The following GBP1 variants were observed in gnomAD, a reference collection of about 807,000 sequenced individuals.
The protein encoded by GBP1 is guanylate binding protein 1, also known as guanylate-binding protein 1.
GBP1 carries 64 observed loss-of-function variants against 69.5 expected under a neutral mutation model. The ratio of observed to expected loss-of-function variants is 0.92; its 90% confidence interval spans 0.75 to 1.13. The LOEUF is 1.13. GBP1 is among the 50% of genes most tolerant of loss of function. The pLI is 0.00. For missense variants in GBP1, 630 were observed against 704.1 expected, an observed-to-expected ratio of 0.89 and a Z score of 1.19; for synonymous variants, 250 against 261.2, an observed-to-expected ratio of 0.96 and a Z score of 0.41.
At chr1:89,062,347 T>C (rs1226887295) in intron 2 of GBP1, among the ~76,000 whole-genome samples, 3 of 152,182 alleles carry the variant, frequency 2.0e-5, no homozygotes, top group Non-Finnish European at 4.4e-5. Flanking sequence ...TTTTGACACA[T>C]GCTAACACAC....
chr1:89,062,857 T>A, intron 2 of GBP1, 188 bp downstream of exon 2: 1 of 657,162 alleles, frequency 1.5e-6, no homozygotes, highest in Non-Finnish European at 2.5e-6. Context: ...AACTAAGGTA[T>A]CATGGGAATA....
At chr1:89,062,833 G>A (rs1680233729) in intron 2 of GBP1, 2 of 565,448 alleles carry the variant, frequency 3.5e-6, no homozygotes, top group Admixed American at 3.1e-5. Context: ...CATAATTTGT[G>A]CTTTTGAAAT....
At position 89,056,953 on chromosome 1, in the gene GBP1, C is replaced by A. The variant is rs781264867; in HGVS notation, c.1056G>T (p.Glu352Asp). The A allele has an allele frequency of 3.7e-6, 6 of 1,614,086 alleles. No homozygotes were observed. In the African/African-American group the frequency reaches 6.7e-5, roughly 18 times the overall value. Residue 352 changes from glutamate to aspartate, a missense_variant, in exon 7 of 11, where the codon GAG (glutamate) becomes GAT (aspartate). Physicochemically the swap from Glu to Asp is conservative, Grantham distance 45. Coordinates refer to ENST00000370473, the MANE Select transcript of GBP1 (RefSeq NM_002053.3). ...CACTGTCCCTGTGCAGGTCCAGCAG[C>A]TCCTGGAGGGTTTCTGTGGGCAGCT... The part of the protein sequence containing the change: ...KVQLPTETLQ[E>D]LLDLHRDSER...
rs572329624 is a variant in GBP1, at chr1:89,052,657, T to C, written c.*698A>G. ...TTGTGTATTTGGCATTATGTGAATTTGTTTAATCCAGTGTCAATTGTCTAA... is the reference window on the plus strand; with the variant it reads ...TTGTGTATTTGGCATTATGTGAATTCGTTTAATCCAGTGTCAATTGTCTAA... On this transcript the variant is annotated 3_prime_UTR_variant, in exon 11 of 11. Coordinates refer to ENST00000370473, the MANE Select transcript of GBP1 (RefSeq NM_002053.3). The C allele has an allele frequency of 5.3e-5, 8 of 152,364 alleles. No homozygotes were observed. In the South Asian group the frequency reaches 1.4e-3, roughly 28 times the overall value. The allele number at this position is 152,364 out of a possible 1,614,324, so 9.4% of individuals were successfully genotyped here. A position where few individuals can be genotyped will look rare whatever the true frequency, so the allele number is the denominator to read the frequency against.
chr1:89,060,712 T>G (rs372963624), intron 2 of GBP1, among the ~76,000 whole-genome samples: 1 of 152,180 alleles, frequency 6.6e-6, no homozygotes, highest in Non-Finnish European at 1.5e-5. Context: ...TCCAGAGTAA[T>G]TAGACAAGAG....
chr1:89,057,733 C>T (rs936594505), intron 6 of GBP1, among the ~76,000 whole-genome samples: 1 of 114,912 alleles, frequency 8.7e-6, no homozygotes, highest in South Asian at 3.0e-4. Context: ...TACATAGACA[C>T]ACTTGTCTAG....
At chr1:89,054,337 T>A (rs780858757) in intron 10 of GBP1, among the ~76,000 whole-genome samples, 10 of 152,192 alleles carry the variant, frequency 6.6e-5, no homozygotes, top group Non-Finnish European at 2.9e-5. Flanking sequence ...CCTGACCTCG[T>A]GATCCGCCCG....
chr1:89,058,027 T>A lies in GBP1; in HGVS notation c.839A>T (p.Lys280Ile), dbSNP rs375798125. ...GACCTGGATGCCTCCTGAAAGAGTT[T>A]TAGTTTTGGAATTACTAAAGATGTA... ...CSYIFSNSKT[K>I]TLSGGIQVNG... is the part of the protein sequence containing the mutation. The change falls in exon 6 of 11, where the codon AAA (lysine) becomes ATA (isoleucine). Residue 280 changes from lysine to isoleucine, a missense_variant. Physicochemically the swap from Lys to Ile is moderately radical, Grantham distance 102. Transcript: ENST00000370473. The A allele has an allele frequency of 7.4e-6, 12 of 1,613,720 alleles. No individual in the cohort carries two copies. In the African/African-American group the frequency reaches 1.5e-4, roughly 20 times the overall value.
chr1:89,054,833 A>C lies in GBP1; in HGVS notation c.1514T>G (p.Met505Arg). The C allele has an allele frequency of 6.2e-7, 1 of 1,614,080 alleles. No homozygotes were observed. Among genetic ancestry groups the C allele is most frequent in the Non-Finnish European group, 8.5e-7 (1 of 1,180,018 alleles). Reference protein sequence around the residue: ...KAESAQASAKMLQEMQRKNEQ... With the variant: ...KAESAQASAKRLQEMQRKNEQ... ...ATTCTTTCTTTGCATTTCCTGCAACATTTTTGCTGAAGCCTGTGCAGACTC... is the reference window on the plus strand; with the variant it reads ...ATTCTTTCTTTGCATTTCCTGCAACCTTTTTGCTGAAGCCTGTGCAGACTC... The change falls in exon 10 of 11, where the codon ATG becomes AGG. Residue 505 changes from methionine (M) to arginine (R), a missense_variant. Physicochemically the swap from Met to Arg is moderately conservative, Grantham distance 91. This residue lies in a region of GBP1 where 35 missense variants were observed against 68.6 expected (regional missense o/e 0.51). Transcript: ENST00000370473.
At chr1:89,061,499 T>C (rs1029341915) in intron 2 of GBP1, among the ~76,000 whole-genome samples, 1 of 152,042 alleles carries the variant, frequency 6.6e-6, no homozygotes, top group Admixed American at 6.6e-5. Flanking sequence ...AACTTACAAA[T>C]ATGAACTCAA....
At position 89,057,076 on chromosome 1, in the gene GBP1, G is replaced by T. The variant is rs1680068330; in HGVS notation, c.933C>A (p.Cys311Ter). The stretch of plus-strand genomic sequence containing the variant: ...CCAAGGCCAGGACTGCGTTCTCCAT[G>T]CACGGCAGATCCCCACTGCTGATGG... The part of the protein sequence containing the change: ...VNAISSGDLP[C>*]MENAVLALAQ... Residue 311 changes from cysteine to a stop codon, truncating the protein, a stop_gained, in exon 7 of 11, where the codon TGC becomes TGA. Transcript: ENST00000370473. LOFTEE classifies it high-confidence loss of function. 6.2e-7 allele frequency: 1 copy of T among 1,614,148 alleles called. No homozygotes were observed. Among genetic ancestry groups the T allele is most frequent in the South Asian group, 1.1e-5 (1 of 91,090 alleles).
rs1679953061 is a variant in GBP1, at chr1:89,052,933, G to GA, written c.*421dup. The GA allele has an allele frequency of 6.3e-6, 1 of 157,840 alleles. No individual in the cohort carries two copies. Among genetic ancestry groups the GA allele is most frequent in the Non-Finnish European group, 1.4e-5 (1 of 72,078 alleles). The allele number at this position is 157,840 out of a possible 1,614,324, so 9.8% of individuals were successfully genotyped here. On this transcript the variant is annotated 3_prime_UTR_variant, in exon 11 of 11. Transcript: ENST00000370473. ...TATTGCTCATAGACCGTGTAGTCTTGATCTAACGGATAACTGTACATTGTC... is the reference window on the plus strand; with the variant it reads ...TATTGCTCATAGACCGTGTAGTCTTGAATCTAACGGATAACTGTACATTGTC...
Position 89,058,030 on chromosome 1 carries a change from G to A in GBP1, c.836C>T (p.Thr279Ile). ...FCSYIFSNSK[T>I]KTLSGGIQVN... Reference sequence around the variant, plus strand: ...CTGGATGCCTCCTGAAAGAGTTTTAGTTTTGGAATTACTAAAGATGTAGGA... The same window carrying A: ...CTGGATGCCTCCTGAAAGAGTTTTAATTTTGGAATTACTAAAGATGTAGGA... The change falls in exon 6 of 11, where the codon ACT (threonine) becomes ATT (isoleucine). Residue 279 changes from threonine (T) to isoleucine (I), a missense_variant. Coordinates refer to ENST00000370473, the MANE Select transcript of GBP1 (RefSeq NM_002053.3). 1.2e-6 allele frequency: 2 copies of A among 1,613,904 alleles called. No homozygotes were observed. The highest frequency in any genetic ancestry group is 8.5e-7 in the Non-Finnish European group (1 of 1,179,954).
At chr1:89,064,222 TGTGTGTGTGTGTGTGTGTGA>T (rs535950630) in intron 1 of GBP1, among the ~76,000 whole-genome samples, 9 of 139,276 alleles carry the variant, frequency 6.5e-5, no homozygotes, top group East Asian at 2.1e-4. Context: ...TGTGTGTGTG[TGTGTGTGTGTGTGTGTGTGA>T]GAGAGAGAGA....
chr1:89,054,969 T>TTGTTGTTGACTGTAAAA (rs1680007848), intron 9 of GBP1, 94 bp from the exon 10 acceptor site: 1 of 1,467,328 alleles, frequency 6.8e-7, no homozygotes, highest in Non-Finnish European at 9.4e-7. Flanking sequence ...GCTGACTGCA[T>TTGTTGTTGACTGTAAAA]ATGCCCTACT....
At chr1:89,059,251 G>A (rs1210165631) in intron 4 of GBP1, 66 bp downstream of exon 4, 7 of 1,613,788 alleles carry the variant, frequency 4.3e-6, no homozygotes, top group African/African-American at 1.3e-5. Context: ...TCACAGTCAG[G>A]CAGCTGGTGT....
intron 2 of GBP1, 69 bp from the exon 3 acceptor site, chr1:89,060,393 G>A: frequency 3.6e-6 from 5 of 1,384,386 alleles, no homozygotes; most frequent in South Asian, 1.6e-5. Context: ...GAAGGAAAAA[G>A]TAGTATATTT....
At chr1:89,056,424 G>T (rs968087921) in intron 7 of GBP1, among the ~76,000 whole-genome samples, 196 bp from the exon 8 acceptor site, 1 of 152,126 alleles carries the variant, frequency 6.6e-6, no homozygotes, top group African/African-American at 2.4e-5. Context: ...GAGGTTCAGG[G>T]CTGAGATTGA....
intron 7 of GBP1, among the ~76,000 whole-genome samples, 193 bp from the exon 8 acceptor site, chr1:89,056,421 A>G (rs1262028520): frequency 6.6e-6 from 1 of 152,184 alleles, no homozygotes; most frequent in African/African-American, 2.4e-5. Context: ...GGTGAGGTTC[A>G]GGGCTGAGAT....
Sources: gnomAD v4.1 joint callset for allele counts (sites outside exome capture counted in the v4.1 genomes callset) on GRCh38, gnomAD v4.1.1 for gene constraint, gnomAD v4.1.1 regional missense constraint, MANE v1.5 for transcripts, NCBI Gene and HGNC (gene_info 2026-07-23, HGNC 2026-07-21) for gene names.